POLM: variants seen among roughly 807,000 people sequenced by gnomAD.
POLM encodes DNA-directed DNA/RNA polymerase mu.
A neutral mutation model predicts 56.7 loss-of-function variants in POLM; 52 were observed. That is an observed-to-expected ratio of 0.92 (90% CI 0.73 to 1.15). The LOEUF (loss-of-function observed/expected upper bound fraction) is 1.15, where lower values mean the gene tolerates loss of function less well. Among genes scored for constraint, POLM ranks in the 50% most tolerant of loss-of-function variants. The pLI is 0.00. For synonymous variants in POLM, 273 were observed against 274.3 expected (o/e 1.00, Z 0.05); for missense variants, 660 against 663.6 (o/e 0.99, Z 0.06).
intron 10 of POLM, 103 bp downstream of exon 10, chr7:44,073,522 G>A: frequency 1.3e-6 from 2 of 1,596,032 alleles, no homozygotes; most frequent in South Asian, 1.1e-5. Context: ...CCAGATTCGG[G>A]TCCTATGGGT....
At chr7:44,076,478 GC>G (rs1166621522) in intron 6 of POLM, 30 bp downstream of exon 6, 2 of 1,613,332 alleles carry the variant, frequency 1.2e-6, no homozygotes. Flanking sequence ...GTTTAGGGAA[GC>G]CCAGGGCCCA....
At chr7:44,073,478 G>A (rs1407802647) in intron 10 of POLM, 101 bp from the exon 11 acceptor site, 15 of 1,579,724 alleles carry the variant, frequency 9.5e-6, no homozygotes, top group Non-Finnish European at 1.3e-5. Flanking sequence ...GAGGTGGGGT[G>A]TGCTCTTGAG....
At chr7:44,078,378 A>T (rs1167671010) in intron 5 of POLM, 1 of 224,130 alleles carries the variant, frequency 4.5e-6, no homozygotes, top group Non-Finnish European at 9.0e-6. Flanking sequence ...AGGTGGGAGG[A>T]TGGTTTGAGC....
intron 6 of POLM, among the ~76,000 whole-genome samples, chr7:44,074,997 T>G (rs2096179846): frequency 6.6e-6 from 1 of 152,230 alleles, no homozygotes; most frequent in South Asian, 2.1e-4. Context: ...AACACCTCAC[T>G]CTGGCCTACT....
Position 44,073,342 on chromosome 7 carries a change from G to A in POLM, c.1434C>T (p.Ile478=). The A allele has an allele frequency of 6.2e-7, 1 of 1,614,186 alleles. No individual in the cohort carries two copies. The highest frequency in any genetic ancestry group is 1.1e-5 in the South Asian group (1 of 91,088). The change falls in exon 11 of 11, where the codon ATC becomes ATT. Residue 478 remains isoleucine, a synonymous_variant. Coordinates refer to ENST00000242248, the MANE Select transcript of POLM (RefSeq NM_013284.4). ...TFFQAASEED[I]FRHLGLEYLP... is the part of the protein sequence containing the mutation. ...GGTACTCAAGGCCCAGGTGTCTGAA[G>A]ATGTCTTCCTCTGAAGCCGCTTGGA...
intron 1 of POLM, 104 bp from the exon 2 acceptor site, chr7:44,081,020 C>T: frequency 4.1e-6 from 4 of 971,936 alleles, no homozygotes; most frequent in Non-Finnish European, 6.0e-6. Context: ...GGTAAGTGAC[C>T]ATTCATCCTG....
At chr7:44,079,388 A>G (rs2096192927) in intron 4 of POLM, among the ~76,000 whole-genome samples, 183 bp downstream of exon 4, 1 of 152,110 alleles carries the variant, frequency 6.6e-6, no homozygotes. Flanking sequence ...GCCACCCAGG[A>G]GTAAATGGCT....
chr7:44,076,491 C>A lies in POLM; in HGVS notation c.835+18G>T, dbSNP rs1322680246. Reference sequence around the variant, plus strand: ...CAGTTTAGGGAAGCCCAGGGCCCAGCCTCTCTGGAGGGCTCACCCGCTTTC... The same window carrying A: ...CAGTTTAGGGAAGCCCAGGGCCCAGACTCTCTGGAGGGCTCACCCGCTTTC... On this transcript the variant is annotated intron_variant, in intron 6 of 10. Coordinates refer to ENST00000242248, the MANE Select transcript of POLM (RefSeq NM_013284.4). The A allele has an allele frequency of 2.5e-6, 4 of 1,613,726 alleles. No individual in the cohort carries two copies. The highest frequency in any genetic ancestry group is 3.4e-6 in the Non-Finnish European group (4 of 1,179,840).
chr7:44,079,581 C>G lies in POLM; in HGVS notation c.632G>C (p.Arg211Thr). The part of the protein sequence containing the change: ...GLPHFGEHSS[R>T]VVQELLEHGV... ...ATGGTAAGCACCTACCTGGACAACC[C>G]TAGAGGAGTGTTCTCCAAAGTGGGG... Residue 211 changes from arginine (R) to threonine (T), a missense_variant, in exon 4 of 11, where the codon AGG (arginine) becomes ACG (threonine). Coordinates refer to ENST00000242248, the MANE Select transcript of POLM (RefSeq NM_013284.4). 1 of 1,613,736 alleles carries G rather than the reference C, an allele frequency of 6.2e-7. No homozygotes were observed. The highest frequency in any genetic ancestry group is 8.5e-7 in the Non-Finnish European group (1 of 1,179,954).
At position 44,074,188 on chromosome 7, in the gene POLM, G is replaced by T. The variant is rs1270108132; in HGVS notation, c.1014C>A (p.Pro338=). 6.2e-7 allele frequency: 1 copy of T among 1,600,292 alleles called. No individual in the cohort carries two copies. Among genetic ancestry groups the T allele is most frequent in the Non-Finnish European group, 8.5e-7 (1 of 1,173,832 alleles). ...GHDVDFLITH[P]KEGQEAGLLP... ...GCAGCCCCGCCTCCTGACCCTCCTT[G>T]GGGTGGGTGATGAGGAAGTCCACGT... Residue 338 remains proline, a synonymous_variant, in exon 8 of 11, where the codon CCC becomes CCA. Coordinates refer to ENST00000242248, the MANE Select transcript of POLM (RefSeq NM_013284.4).
chr7:44,073,950 CCATGTGGCT>C lies in POLM; in HGVS notation c.1138_1146del (p.Ser380_Met382del). On this transcript the variant is annotated inframe_deletion, in exon 9 of 11. Coordinates refer to ENST00000242248, the MANE Select transcript of POLM (RefSeq NM_013284.4). Reference sequence around the variant, plus strand: ...ATGCAGAAACTTCTCTCAAAAGCGTCCATGTGGCTCTGTTGGGCCAGGCGGGTAGGGGAC... The same window carrying C: ...ATGCAGAAACTTCTCTCAAAAGCGTCCTGTTGGGCCAGGCGGGTAGGGGAC... 6.2e-7 allele frequency: 1 copy of C among 1,614,236 alleles called. No homozygotes were observed. Among genetic ancestry groups the C allele is most frequent in the Non-Finnish European group, 8.5e-7 (1 of 1,180,052 alleles).
chr7:44,079,658 C>T lies in POLM; in HGVS notation c.555G>A (p.Val185=). Residue 185 remains valine (V), a synonymous_variant, in exon 4 of 11, where the codon GTG becomes GTA. Transcript: ENST00000242248. The part of the protein sequence containing the change: ...RLLTFCRAAS[V]LKALPSPVTT... ...TGACAGGGCTGGGAAGGGCCTTGAG[C>T]ACCGAGGCTGCTCTGCAGAAGGTGA... The T allele has an allele frequency of 6.2e-7, 1 of 1,613,668 alleles. No homozygotes were observed. Among genetic ancestry groups the T allele is most frequent in the Non-Finnish European group, 8.5e-7 (1 of 1,179,882 alleles).
rs199509487 is a variant in POLM at position 44,074,146 on chromosome 7, G to T, written c.1056C>A (p.Cys352Ter). The T allele has an allele frequency of 6.2e-7, 1 of 1,603,540 alleles. No homozygotes were observed. The highest frequency in any genetic ancestry group is 8.5e-7 in the Non-Finnish European group (1 of 1,176,484). The change falls in exon 8 of 11, where the codon TGC becomes TGA. Residue 352 changes from cysteine to a stop codon, truncating the protein, a stop_gained. Transcript: ENST00000242248. LOFTEE classifies it high-confidence loss of function. The part of the protein sequence containing the change: ...QEAGLLPRVM[C>*]RLQDQGLILY... ...AGGCCCTCACCTGGTCCTGCAGGCGGCACATCACTCTAGGCAGCAGCCCCG... is the reference window on the plus strand; with the variant it reads ...AGGCCCTCACCTGGTCCTGCAGGCGTCACATCACTCTAGGCAGCAGCCCCG...
At chr7:44,073,417 C>A in intron 10 of POLM, 40 bp from the exon 11 acceptor site, 1 of 1,603,598 alleles carries the variant, frequency 6.2e-7, no homozygotes, top group Non-Finnish European at 8.5e-7. Context: ...AGGAGTCTTG[C>A]CACTGCTGCT....
Position 44,079,700 on chromosome 7 carries a change from G to A in POLM, c.513C>T (p.Gly171=), listed in dbSNP as rs762737559. The A allele has an allele frequency of 6.2e-7, 1 of 1,611,858 alleles. No homozygotes were observed. The highest frequency in any genetic ancestry group is 1.1e-5 in the South Asian group (1 of 90,910). ...EILAEAAGFE[G]SEGRLLTFCR... is the part of the protein sequence containing the mutation. ...AGAAGGTGAGGAGGCGGCCCTCACT[G>A]CCTTCAAAGCCTGCTGCCTCGGCCA... is the stretch of plus-strand genomic sequence containing the variant. The change falls in exon 4 of 11, where the codon GGC becomes GGT. Residue 171 remains glycine (G), a synonymous_variant. Transcript: ENST00000242248.
rs573315764 is a variant in POLM, at chr7:44,073,727, C to T, written c.1315-19G>A. ...GGAAAAGCTGTAGGGAAGGGATTGTCCTCAGCAGGGCTGGCCCAGCCCCAC... is the reference window on the plus strand; with the variant it reads ...GGAAAAGCTGTAGGGAAGGGATTGTTCTCAGCAGGGCTGGCCCAGCCCCAC... On this transcript the variant is annotated intron_variant, in intron 9 of 10. Coordinates refer to ENST00000242248, the MANE Select transcript of POLM (RefSeq NM_013284.4). 8 of 1,614,162 alleles carry T rather than the reference C, an allele frequency of 5.0e-6. No individual in the cohort carries two copies. The African/African-American group carries it at 9.3e-5, about 19-fold the overall frequency.
intron 5 of POLM, chr7:44,076,855 T>C (rs1437311965): frequency 1.8e-5 from 10 of 551,522 alleles, no homozygotes; most frequent in South Asian, 8.3e-5. Flanking sequence ...CTCTCCTCTA[T>C]GAAAGGGACT....
At chr7:44,074,579 C>T (rs768890457) in intron 6 of POLM, 49 bp from the exon 7 acceptor site, 9 of 1,497,858 alleles carry the variant, frequency 6.0e-6, no homozygotes, top group African/African-American at 1.4e-5. Context: ...CCCACCACAC[C>T]GAGCCCCCAT....
At chr7:44,074,675 G>T in intron 6 of POLM, 145 bp from the exon 7 acceptor site, 1 of 832,688 alleles carries the variant, frequency 1.2e-6, no homozygotes, top group Non-Finnish European at 1.8e-6. Context: ...CTAGGGCAGG[G>T]AGCAGAGTGA....
Sources: allele counts gnomAD v4.1 joint callset (sites outside exome capture counted in the v4.1 genomes callset), GRCh38; gene constraint gnomAD v4.1.1; transcripts MANE v1.5; gene names NCBI Gene and HGNC (gene_info 2026-07-23, HGNC 2026-07-21).